The following TGIF1 variants were observed in gnomAD, a reference collection of about 807,000 sequenced individuals.
The protein encoded by TGIF1 is homeobox protein TGIF1.
In TGIF1, 4 loss-of-function variants were observed where a neutral mutation model predicts 19.3. That is an observed-to-expected ratio of 0.21 (90% CI 0.10 to 0.47). The LOEUF (loss-of-function observed/expected upper bound fraction) is 0.47, where lower values mean the gene tolerates loss of function less well. TGIF1 is among the 20% of genes least tolerant of loss of function. The pLI is 0.98. For synonymous variants in TGIF1, 122 were observed against 129.3 expected, an observed-to-expected ratio of 0.94 and a Z score of 0.38; for missense variants, 275 against 341.4, an observed-to-expected ratio of 0.81 and a Z score of 1.53.
chr18:3,450,347 C>A lies in TGIF1; in HGVS notation c.-143C>A. On this transcript the variant is annotated 5_prime_UTR_variant, in exon 1 of 3. Transcript: ENST00000343820. Reference sequence around the variant, plus strand: ...GAGCGGGCGCCTGGGATCAGAGCGTCCTGTTTAGCAATAACGGCTGGAGCA... The same window carrying A: ...GAGCGGGCGCCTGGGATCAGAGCGTACTGTTTAGCAATAACGGCTGGAGCA... 25 of 1,495,646 alleles carry A rather than the reference C, an allele frequency of 1.7e-5. No homozygotes were observed. Among genetic ancestry groups the A allele is most frequent in the Non-Finnish European group, 2.2e-5 (25 of 1,117,982 alleles). 92.6% of individuals were successfully genotyped at this position (1,495,646 alleles called of 1,614,324 possible).
chr18:3,423,023 A>G (rs1009324822), intron 2 of TGIF1, among the ~76,000 whole-genome samples: 3 of 151,934 alleles, frequency 2.0e-5, no homozygotes, highest in African/African-American at 7.2e-5. Context: ...TTTACTATAC[A>G]TGTTCTAGGT....
chr18:3,451,708 T>C lies in TGIF1; in HGVS notation c.16+1203T>C, dbSNP rs2082942593. ...CCCTGAAACGCGCGGAGCTTCCCTC[T>C]GCCTCCAGGCTTTCCCAGCGAGAGT... On this transcript the variant is annotated intron_variant, in intron 1 of 2. Transcript: ENST00000343820. The surrounding 1 kb of genome is among the most constrained non-coding windows in gnomAD (Gnocchi z 5.4). 1 of 1,224,114 alleles carries C rather than the reference T, an allele frequency of 8.2e-7. No homozygotes were observed. Among genetic ancestry groups the C allele is most frequent in the Non-Finnish European group, 1.0e-6 (1 of 982,458 alleles). 75.8% of individuals were successfully genotyped at this position (1,224,114 alleles called of 1,614,324 possible).
At chr18:3,447,622 G>A (rs1568042708), upstream of TGIF1, 13 of 1,135,446 alleles carry the variant, frequency 1.1e-5, 1 homozygote, top group Non-Finnish European at 1.5e-5. Flanking sequence ...CGTTGGCTGG[G>A]GGGAGGCAGT....
chr18:3,414,512 T>C (rs2082306766), intron 1 of TGIF1, among the ~76,000 whole-genome samples: 1 of 152,186 alleles, frequency 6.6e-6, no homozygotes, highest in Admixed American at 6.5e-5. Flanking sequence ...GGGTTGGTGA[T>C]CCTGTTTACC....
At chr18:3,437,066 C>G (rs953435248) in intron 2 of TGIF1, among the ~76,000 whole-genome samples, 1 of 152,134 alleles carries the variant, frequency 6.6e-6, no homozygotes, top group African/African-American at 2.4e-5. Flanking sequence ...GATTGCGCCA[C>G]TGCACTCCAA....
chr18:3,445,689 A>C (rs957596235), upstream of TGIF1, among the ~76,000 whole-genome samples: 15 of 127,758 alleles, frequency 1.2e-4, no homozygotes, highest in African/African-American at 4.5e-4. Flanking sequence ...GCGCCACTGC[A>C]CTCCAGCCTG....
At chr18:3,433,608 A>G (rs1191207355) in intron 2 of TGIF1, among the ~76,000 whole-genome samples, 2 of 152,222 alleles carry the variant, frequency 1.3e-5, no homozygotes, top group East Asian at 1.9e-4. Context: ...ACTAGAATAC[A>G]GAAGAGAAGT....
chr18:3,442,967 G>A (rs2082693475), intron 2 of TGIF1, among the ~76,000 whole-genome samples: 1 of 152,180 alleles, frequency 6.6e-6, no homozygotes, highest in South Asian at 2.1e-4. Context: ...TTTTAAATAG[G>A]TAAGATCATT....
In TGIF1 at chr18:3,458,058, A is replaced by G; in HGVS notation, c.*118A>G. ...TATTTGCACATGGGATTGCTAAAAC[A>G]GCTTCCTGTTACTGAGATGTCTTCA... On this transcript the variant is annotated 3_prime_UTR_variant, in exon 3 of 3. Coordinates refer to ENST00000343820, the MANE Select transcript of TGIF1 (RefSeq NM_003244.4). 1 of 909,944 alleles carries G rather than the reference A, an allele frequency of 1.1e-6. No homozygotes were observed. The highest frequency in any genetic ancestry group is 1.7e-6 in the Non-Finnish European group (1 of 591,026). The allele number at this position is 909,944 out of a possible 1,614,324, so 56.4% of individuals were successfully genotyped here. A position where few individuals can be genotyped will look rare whatever the true frequency, so the allele number is the denominator to read the frequency against.
chr18:3,417,321 G>A (rs867993257), intron 1 of TGIF1, among the ~76,000 whole-genome samples: 1 of 151,466 alleles, frequency 6.6e-6, no homozygotes, highest in East Asian at 1.9e-4. Flanking sequence ...CACCGCGTCC[G>A]GCTAATTTTT....
At position 3,457,924 on chromosome 18, in the gene TGIF1, C is replaced by G; in HGVS notation, c.803C>G (p.Ala268Gly). The part of the protein sequence containing the change: ...LKRAAEMELQ[A>G]KLTA Reference sequence around the variant, plus strand: ...CGGGCTGCAGAGATGGAGCTTCAGGCAAAACTTACAGCTTAACCCATTTTC... The same window carrying G: ...CGGGCTGCAGAGATGGAGCTTCAGGGAAAACTTACAGCTTAACCCATTTTC... The change falls in exon 3 of 3, where the codon GCA becomes GGA. Residue 268 changes from alanine to glycine, a missense_variant. By Grantham distance (60) the Ala-to-Gly change is moderately conservative. Coordinates refer to ENST00000343820, the MANE Select transcript of TGIF1 (RefSeq NM_003244.4). This position sits in a 1 kb window ranked among gnomAD's most constrained non-coding sequence, Gnocchi z 4.9. The G allele has an allele frequency of 6.2e-7, 1 of 1,600,504 alleles. No individual in the cohort carries two copies. The highest frequency in any genetic ancestry group is 8.5e-7 in the Non-Finnish European group (1 of 1,179,952).
At chr18:3,420,214 C>T (rs1022041798) in intron 2 of TGIF1, among the ~76,000 whole-genome samples, 26 of 151,954 alleles carry the variant, frequency 1.7e-4, no homozygotes, top group Non-Finnish European at 3.4e-4. Context: ...AACCCTATCT[C>T]TACTAAACAT....
chr18:3,459,722 C>T lies in TGIF1; in HGVS notation c.*1782C>T, dbSNP rs960745660. On this transcript the variant is annotated 3_prime_UTR_variant, in exon 3 of 3. Transcript: ENST00000343820. The stretch of plus-strand genomic sequence containing the variant: ...ATACTGGAAGGAGAAGGAAAGGAGC[C>T]ATATGACTCATTTAAAAGAAAAACT... 1.3e-5 allele frequency: 2 copies of T among 152,132 alleles called. No homozygotes were observed. The highest frequency in any genetic ancestry group is 2.9e-5 in the Non-Finnish European group (2 of 68,024). 9.4% of individuals were successfully genotyped at this position (152,132 alleles called of 1,614,324 possible). A position where few individuals can be genotyped will look rare whatever the true frequency, so the allele number is the denominator to read the frequency against.
At chr18:3,447,558 C>G (rs1421972727), upstream of TGIF1, 2 of 744,284 alleles carry the variant, frequency 2.7e-6, no homozygotes, top group African/African-American at 3.5e-5. Flanking sequence ...ACCCTAGGCA[C>G]TTTCTTCCCA....
intron 2 of TGIF1, among the ~76,000 whole-genome samples, chr18:3,421,714 A>G (rs1264301555): frequency 2.0e-5 from 3 of 151,414 alleles, no homozygotes; most frequent in Admixed American, 1.3e-4. Context: ...GCCCATCTAT[A>G]CTATATTTTT....
In TGIF1 at chr18:3,437,417, G is replaced by A. The variant is rs527285057; in HGVS notation, c.-44-18937G>A. On this transcript the variant is annotated intron_variant, in intron 2 of 3. Transcript: ENST00000401449. ...AATTAATTAAACCTTTACCTATCTT[G>A]AAGTCCAACAATACATAATTTATAT... Among the ~76,000 whole-genome samples, 22 of 152,166 alleles carry A rather than the reference G, an allele frequency of 1.4e-4. No homozygotes were observed. The South Asian group carries it at 4.6e-3, about 32-fold the overall frequency.
At chr18:3,428,331 G>A (rs1318361801) in intron 2 of TGIF1, among the ~76,000 whole-genome samples, 1 of 152,222 alleles carries the variant, frequency 6.6e-6, no homozygotes, top group African/African-American at 2.4e-5. Flanking sequence ...GCATATGATG[G>A]TGATCTTGTG....
intron 1 of TGIF1, chr18:3,452,336 C>G: frequency 6.2e-7 from 1 of 1,613,322 alleles, no homozygotes; most frequent in Non-Finnish European, 8.5e-7. Flanking sequence ...CATCCCAGGG[C>G]GCACAGGGTC....
At chr18:3,428,972 G>C (rs530392229) in intron 2 of TGIF1, among the ~76,000 whole-genome samples, 2 of 152,094 alleles carry the variant, frequency 1.3e-5, no homozygotes, top group East Asian at 3.9e-4. Flanking sequence ...AGAAGTGCTT[G>C]AACCCAGGAG....
Sources: allele counts gnomAD v4.1 joint callset (sites outside exome capture counted in the v4.1 genomes callset), GRCh38; gene constraint gnomAD v4.1.1; non-coding constraint Gnocchi (gnomAD v3.1); transcripts MANE v1.5; gene names NCBI Gene and HGNC (gene_info 2026-07-23, HGNC 2026-07-21).